SNTG1: variants seen among roughly 807,000 people sequenced by gnomAD.
SNTG1 encodes gamma-1-syntrophin.
Under a neutral mutation model 74.7 loss-of-function variants are expected in SNTG1, and 39 were observed. The observed-to-expected ratio is 0.52, with a 90% confidence interval of 0.40 to 0.68. The LOEUF (loss-of-function observed/expected upper bound fraction) is 0.68. Ranked by LOEUF, SNTG1 falls within the 30% of genes least tolerant of loss-of-function variation. The pLI is 0.00. For synonymous variants in SNTG1, 254 were observed against 217.1 expected (o/e 1.17, Z -1.49); for missense variants, 685 against 609.5 (o/e 1.12, Z -1.30).
At chr8:49,947,174 G>T (rs1196310463) in intron 1 of SNTG1, among the ~76,000 whole-genome samples, 1 of 152,066 alleles carries the variant, frequency 6.6e-6, no homozygotes, top group Non-Finnish European at 1.5e-5. Flanking sequence ...GGCGGCACAT[G>T]CTTGTAATCC....
At chr8:50,417,972 A>C in intron 4 of SNTG1, among the ~76,000 whole-genome samples, 1 of 108,974 alleles carries the variant, frequency 9.2e-6, no homozygotes, top group East Asian at 2.2e-4. Flanking sequence ...TGATTGCATC[A>C]TCAAATGCTC....
intron 18 of SNTG1, among the ~76,000 whole-genome samples, chr8:50,771,850 G>T (rs1034224247): frequency 1.3e-5 from 2 of 152,046 alleles, no homozygotes; most frequent in Middle Eastern, 3.2e-3. Context: ...CCCAAGTAAG[G>T]CTCAAGACTC....
intron 1 of SNTG1, among the ~76,000 whole-genome samples, chr8:50,116,439 T>C (rs2080823951): frequency 6.6e-6 from 1 of 152,194 alleles, no homozygotes; most frequent in Non-Finnish European, 1.5e-5. Flanking sequence ...TTACCCACCC[T>C]TTGATTTACG....
chr8:50,290,832 C>T (rs2089058230), intron 2 of SNTG1, among the ~76,000 whole-genome samples: 1 of 152,018 alleles, frequency 6.6e-6, no homozygotes, highest in Non-Finnish European at 1.5e-5. Context: ...GATCTCAGGG[C>T]TCACTGCAGC....
intron 1 of SNTG1, among the ~76,000 whole-genome samples, chr8:50,023,960 C>A (rs1281520802): frequency 1.3e-5 from 2 of 152,106 alleles, no homozygotes; most frequent in Non-Finnish European, 2.9e-5. Flanking sequence ...GGATTTCAGG[C>A]TCTGGGCCCA....
At chr8:50,064,463 C>CT (rs34365295) in intron 1 of SNTG1, among the ~76,000 whole-genome samples, 1 of 152,196 alleles carries the variant, frequency 6.6e-6, no homozygotes, top group Admixed American at 6.5e-5. Context: ...TCCTAATGAA[C>CT]TTTCCCGTTT....
At chr8:50,544,090 G>A (rs1388430136) in intron 11 of SNTG1, among the ~76,000 whole-genome samples, 1 of 151,868 alleles carries the variant, frequency 6.6e-6, no homozygotes, top group African/African-American at 2.4e-5. Flanking sequence ...GAGTTTTTGT[G>A]CTGTTTTATT....
intron 17 of SNTG1, chr8:50,747,719 G>C (rs1191585803): frequency 6.6e-6 from 1 of 151,514 alleles, no homozygotes; most frequent in East Asian, 2.0e-4. Context: ...TTCACACTTC[G>C]TTCCTTCCTT....
intron 1 of SNTG1, among the ~76,000 whole-genome samples, chr8:50,154,086 T>A (rs2082170170): frequency 6.6e-6 from 1 of 152,124 alleles, no homozygotes; most frequent in African/African-American, 2.4e-5. Context: ...ATTTACCTAC[T>A]CAAGCCTCAG....
intron 18 of SNTG1, among the ~76,000 whole-genome samples, chr8:50,780,212 C>T (rs2095654709): frequency 2.0e-5 from 3 of 152,134 alleles, no homozygotes; most frequent in Non-Finnish European, 4.4e-5. Context: ...ATGATGCTGG[C>T]CTCTTAAAAT....
chr8:50,668,905 C>T (rs985059372), intron 15 of SNTG1, among the ~76,000 whole-genome samples: 3 of 151,882 alleles, frequency 2.0e-5, no homozygotes, highest in Admixed American at 1.3e-4. Flanking sequence ...GTTGGTTCCA[C>T]GACTTTGCAA....
chr8:50,197,981 T>A (rs747399522), intron 2 of SNTG1, among the ~76,000 whole-genome samples: 2 of 152,312 alleles, frequency 1.3e-5, no homozygotes, highest in Non-Finnish European at 2.9e-5. Flanking sequence ...AAATTGACCA[T>A]TCTTAAATCT....
At chr8:50,092,899 G>C (rs1414774261) in intron 1 of SNTG1, among the ~76,000 whole-genome samples, 4 of 152,116 alleles carry the variant, frequency 2.6e-5, no homozygotes, top group Non-Finnish European at 1.5e-5. Context: ...TTGGGAGAGA[G>C]TGTAATTCAA....
intron 1 of SNTG1, among the ~76,000 whole-genome samples, chr8:50,111,433 CTCT>C (rs1310270444): frequency 1.3e-5 from 2 of 152,098 alleles, no homozygotes; most frequent in Non-Finnish European, 2.9e-5. Flanking sequence ...CTCTCTTTCC[CTCT>C]TCTTCTCATT....
chr8:50,683,873 T>C (rs1371734575), intron 15 of SNTG1, among the ~76,000 whole-genome samples: 1 of 152,204 alleles, frequency 6.6e-6, no homozygotes, highest in East Asian at 1.9e-4. Flanking sequence ...ATAATTGTCC[T>C]CAAGGATATA....
rs138249671 is a variant in SNTG1 at position 50,599,204 on chromosome 8, T to C, written c.849+8287T>C. ...TATAAACTTGTTTCTGGGTTCTCTATTCTGTTCCAATGATCTGTGTGTCTG... is the reference window on the plus strand; with the variant it reads ...TATAAACTTGTTTCTGGGTTCTCTACTCTGTTCCAATGATCTGTGTGTCTG... On this transcript the variant is annotated intron_variant, in intron 13 of 18. Transcript: ENST00000642720. Among the ~76,000 whole-genome samples the C allele has an allele frequency of 4.5e-3, 688 of 152,188 alleles. 5 individuals are homozygous for C. Among genetic ancestry groups the C allele is most frequent in the African/African-American group, 0.015 (642 of 41,580 alleles).
intron 13 of SNTG1, among the ~76,000 whole-genome samples, chr8:50,614,635 A>G (rs1047286965): frequency 5.9e-5 from 9 of 152,172 alleles, no homozygotes; most frequent in Non-Finnish European, 1.0e-4. Context: ...TACCCACAGA[A>G]GCATGAGTAA....
intron 1 of SNTG1, among the ~76,000 whole-genome samples, chr8:49,999,217 C>T (rs1420039025): frequency 2.0e-5 from 3 of 152,124 alleles, no homozygotes; most frequent in Admixed American, 6.6e-5. Flanking sequence ...TCCTCTCAAA[C>T]TTTTCTACTT....
chr8:50,744,971 G>T (rs1052184705), intron 17 of SNTG1, among the ~76,000 whole-genome samples: 2 of 151,946 alleles, frequency 1.3e-5, no homozygotes, highest in South Asian at 2.1e-4. Flanking sequence ...TAGGGGAAAA[G>T]CTTCATTACT....
Sources: allele counts gnomAD v4.1 joint callset (sites outside exome capture counted in the v4.1 genomes callset), GRCh38; gene constraint gnomAD v4.1.1; transcripts MANE v1.5; gene names NCBI Gene and HGNC (gene_info 2026-07-23, HGNC 2026-07-21).